Variants in C7 observed in about 807,000 individuals in gnomAD.
C7 encodes complement component C7.
In C7, 83 loss-of-function variants were observed where a neutral mutation model predicts 104.8. The observed-to-expected ratio is 0.79, with a 90% CI of 0.66 to 0.95. C7 has a LOEUF of 0.95. Ranked by LOEUF, C7 falls within the 40% of genes least tolerant of loss-of-function variation. The pLI is 0.00. For synonymous variants in C7, 415 were observed against 360.6 expected, an observed-to-expected ratio of 1.15 and a Z score of -1.71; for missense variants, 1,070 against 1,011.2, an observed-to-expected ratio of 1.06 and a Z score of -0.79.
chr5:40,961,062 A>G (rs1901167), intron 12 of C7, among the ~76,000 whole-genome samples: 41,187 of 152,044 alleles, frequency 0.27, 5,865 homozygotes, highest in Middle Eastern at 0.41. Flanking sequence ...GCTTTCAGTT[A>G]TACACGTTCA....
intron 13 of C7, 40 bp from the exon 14 acceptor site, chr5:40,964,701 A>G: frequency 1.3e-6 from 2 of 1,589,568 alleles, no homozygotes; most frequent in Non-Finnish European, 1.7e-6. Context: ...AATGCAAAAT[A>G]GACAAACTCT....
In C7 at chr5:40,947,762, G is replaced by A; in HGVS notation, c.899G>A (p.Gly300Glu). Reference protein sequence around the residue: ...SAYRRLIDQYGTHYLQSGSLG... With the variant: ...SAYRRLIDQYETHYLQSGSLG... ...TACCGAAGATTAATCGACCAGTACG[G>A]GACACATTATCTGCAATCTGGGTCG... Residue 300 changes from glycine (G) to glutamate (E), a missense_variant, in exon 8 of 18, where the codon GGG (glycine) becomes GAG (glutamate). Gly to Glu is a moderately conservative substitution (Grantham distance 98). Coordinates refer to ENST00000313164, the MANE Select transcript of C7 (RefSeq NM_000587.4). 6.2e-7 allele frequency: 1 copy of A among 1,613,610 alleles called. No individual in the cohort carries two copies. The highest frequency in any genetic ancestry group is 8.5e-7 in the Non-Finnish European group (1 of 1,179,682).
At chr5:40,936,888 C>T (rs1301742460) in intron 5 of C7, among the ~76,000 whole-genome samples, 6 of 152,034 alleles carry the variant, frequency 3.9e-5, no homozygotes, top group Non-Finnish European at 2.9e-5. Context: ...AGAAGAGAGA[C>T]AGAAGCAAGT....
At chr5:40,919,919 T>C (rs1439722549) in intron 1 of C7, among the ~76,000 whole-genome samples, 1 of 151,894 alleles carries the variant, frequency 6.6e-6, no homozygotes, top group African/African-American at 2.4e-5. Flanking sequence ...GCTAATGTCA[T>C]ACCTCAAGGA....
At chr5:40,918,328 C>T (rs942343356) in intron 1 of C7, among the ~76,000 whole-genome samples, 1 of 151,998 alleles carries the variant, frequency 6.6e-6, no homozygotes, top group Non-Finnish European at 1.5e-5. Context: ...CTACCGCACT[C>T]CAGCCTGGGC....
At chr5:40,935,481 G>T (rs1352642389) in intron 4 of C7, among the ~76,000 whole-genome samples, 1 of 152,178 alleles carries the variant, frequency 6.6e-6, no homozygotes, top group Non-Finnish European at 1.5e-5. Context: ...GGAAGAACAT[G>T]CATCAGAGCC....
intron 14 of C7, among the ~76,000 whole-genome samples, chr5:40,966,955 C>T (rs780260077): frequency 9.9e-5 from 15 of 152,030 alleles, no homozygotes; most frequent in Non-Finnish European, 1.8e-4. Context: ...GTTAATAAAG[C>T]CAAAAGTTTG....
intron 14 of C7, among the ~76,000 whole-genome samples, chr5:40,966,491 G>A (rs1740553754): frequency 6.6e-6 from 1 of 151,590 alleles, no homozygotes; most frequent in African/African-American, 2.4e-5. Context: ...CAATTCTCCT[G>A]CCTCAGCCTT....
chr5:40,920,137 T>G (rs553662598), intron 1 of C7, among the ~76,000 whole-genome samples: 1 of 152,124 alleles, frequency 6.6e-6, no homozygotes, highest in South Asian at 2.1e-4. Flanking sequence ...CAAAAGATCA[T>G]CAGGGACTAT....
chr5:40,963,074 T>A (rs1740456461), intron 13 of C7, among the ~76,000 whole-genome samples: 1 of 152,202 alleles, frequency 6.6e-6, no homozygotes, highest in Non-Finnish European at 1.5e-5. Context: ...AGTTCCTGAA[T>A]GGAACATATG....
chr5:40,957,989 G>A, intron 10 of C7, 44 bp from the exon 11 acceptor site: 1 of 1,387,066 alleles, frequency 7.2e-7, no homozygotes, highest in Non-Finnish European at 9.8e-7. Context: ...AAATATTCTT[G>A]CCTAAATCCC....
chr5:40,959,818 C>A (rs1740387427), intron 12 of C7, among the ~76,000 whole-genome samples, 198 bp downstream of exon 12: 1 of 152,186 alleles, frequency 6.6e-6, no homozygotes, highest in Non-Finnish European at 1.5e-5. Context: ...ACAAGTGTTA[C>A]AAAAGGCTGG....
intron 14 of C7, among the ~76,000 whole-genome samples, chr5:40,967,933 C>A (rs538851692): frequency 2.0e-5 from 3 of 152,048 alleles, no homozygotes; most frequent in Non-Finnish European, 4.4e-5. Flanking sequence ...TTTTATTGAA[C>A]CTGTGCTTTA....
At chr5:40,969,558 G>A (rs963814655) in intron 14 of C7, among the ~76,000 whole-genome samples, 3 of 152,154 alleles carry the variant, frequency 2.0e-5, no homozygotes, top group African/African-American at 7.2e-5. Context: ...AACCAGTGAG[G>A]CTGGCTTATG....
chr5:40,947,816 A>G lies in C7; in HGVS notation c.953A>G (p.Tyr318Cys), dbSNP rs769952777. 1.8e-4 allele frequency: 292 copies of G among 1,612,416 alleles called. No individual in the cohort carries two copies. The highest frequency in any genetic ancestry group is 2.2e-4 in the Non-Finnish European group (263 of 1,179,390). Residue 318 changes from tyrosine to cysteine, a missense_variant, in exon 8 of 18, where the codon TAT becomes TGT. By Grantham distance (194) the Tyr-to-Cys change is radical. Coordinates refer to ENST00000313164, the MANE Select transcript of C7 (RefSeq NM_000587.4). ...SLGGEYRVLF[Y>C]VDSEKLKQND... ...GGAGGAGAATACAGAGTTCTATTTT[A>G]TGTGGACTCAGAAAAATTAAAACAA...
At chr5:40,956,586 A>G (rs565112801) in intron 10 of C7, among the ~76,000 whole-genome samples, 91 of 152,378 alleles carry the variant, frequency 6.0e-4, no homozygotes, top group African/African-American at 2.1e-3. Flanking sequence ...CAGTATATCA[A>G]TCTCAATGGA....
chr5:40,957,614 C>T (rs960355313), intron 10 of C7, among the ~76,000 whole-genome samples: 1 of 152,002 alleles, frequency 6.6e-6, no homozygotes, highest in Non-Finnish European at 1.5e-5. Flanking sequence ...CGCCACCACA[C>T]CCTGCTAATT....
At chr5:40,914,958 A>G (rs1739289504) in intron 1 of C7, among the ~76,000 whole-genome samples, 1 of 152,192 alleles carries the variant, frequency 6.6e-6, no homozygotes, top group South Asian at 2.1e-4. Flanking sequence ...AAAGGGAACC[A>G]GATTTGGACT....
At chr5:40,946,062 T>C (rs1319948894) in intron 7 of C7, among the ~76,000 whole-genome samples, 1 of 151,764 alleles carries the variant, frequency 6.6e-6, no homozygotes, top group Non-Finnish European at 1.5e-5. Context: ...TTAAGTGTCA[T>C]ATACAATTTT....
Sources: gnomAD v4.1 joint callset for allele counts (sites outside exome capture counted in the v4.1 genomes callset) on GRCh38, gnomAD v4.1.1 for gene constraint, MANE v1.5 for transcripts, NCBI Gene and HGNC (gene_info 2026-07-23, HGNC 2026-07-21) for gene names.